The following RIN2 variants were observed in gnomAD, a reference collection of about 807,000 sequenced individuals.
The protein encoded by RIN2 is Ras and Rab interactor 2, also known as RAB5 interacting protein 2.
RIN2 carries 36 observed loss-of-function variants against 78.0 expected under a neutral mutation model. That is an observed-to-expected ratio of 0.46 (90% CI 0.35 to 0.61). The LOEUF is 0.61. RIN2 is among the 20% of genes least tolerant of loss of function. The probability of loss-of-function intolerance (pLI) is 0.00; values close to 1 mark genes in which losing one functional copy is unlikely to be tolerated. For synonymous variants in RIN2, 466 were observed against 466.8 expected (o/e 1.00, Z 0.02); for missense variants, 1,087 against 1,159.7 (o/e 0.94, Z 0.91).
intron 3 of RIN2, among the ~76,000 whole-genome samples, chr20:19,903,832 A>C (rs569269489): frequency 6.6e-6 from 1 of 152,332 alleles, no homozygotes; most frequent in East Asian, 1.9e-4. Flanking sequence ...AAGCAAGAAG[A>C]CTGTGATCAT....
chr20:19,836,075 A>G (rs921551804), intron 2 of RIN2, among the ~76,000 whole-genome samples: 4 of 152,168 alleles, frequency 2.6e-5, no homozygotes, highest in East Asian at 1.9e-4. Flanking sequence ...GGGAGAGTTG[A>G]GCTCTGCACC....
At chr20:19,910,909 T>C (rs1211181987) in intron 3 of RIN2, among the ~76,000 whole-genome samples, 2 of 152,056 alleles carry the variant, frequency 1.3e-5, no homozygotes, top group Non-Finnish European at 2.9e-5. Context: ...ACTTCCAGAA[T>C]AGTTGCAAGA....
intron 9 of RIN2, among the ~76,000 whole-genome samples, chr20:19,981,030 C>T (rs556053856): frequency 5.0e-4 from 76 of 152,204 alleles, no homozygotes; most frequent in African/African-American, 1.3e-3. Flanking sequence ...AATCACTCCT[C>T]GTGGGCGGCC....
intron 2 of RIN2, among the ~76,000 whole-genome samples, chr20:19,832,810 C>T (rs2036289004): frequency 6.6e-6 from 1 of 152,088 alleles, no homozygotes; most frequent in Non-Finnish European, 1.5e-5. Context: ...ACAGAAAGGG[C>T]CAACTCACCT....
At chr20:19,946,340 C>A (rs1258285910) in intron 4 of RIN2, among the ~76,000 whole-genome samples, 1 of 152,028 alleles carries the variant, frequency 6.6e-6, no homozygotes, top group Non-Finnish European at 1.5e-5. Context: ...TAGGTAGGAG[C>A]CAGATATGGC....
chr20:19,918,745 T>TC (rs1204491789), intron 3 of RIN2, among the ~76,000 whole-genome samples: 2 of 151,808 alleles, frequency 1.3e-5, no homozygotes, highest in Non-Finnish European at 2.9e-5. Flanking sequence ...GCATCTGACT[T>TC]TACGGAGTCT....
chr20:19,810,885 T>G (rs1210615965), intron 2 of RIN2, among the ~76,000 whole-genome samples: 2 of 149,732 alleles, frequency 1.3e-5, no homozygotes, highest in African/African-American at 4.9e-5. Flanking sequence ...TGTGTTTTTT[T>G]TTTTTTTAGT....
intron 2 of RIN2, among the ~76,000 whole-genome samples, chr20:19,878,660 C>A (rs1298692982): frequency 1.3e-5 from 2 of 151,994 alleles, no homozygotes; most frequent in Non-Finnish European, 2.9e-5. Flanking sequence ...TGCCTCAGTC[C>A]CTGAAAATGC....
chr20:19,909,668 T>C (rs4052728), intron 3 of RIN2, among the ~76,000 whole-genome samples: 59,251 of 152,116 alleles, frequency 0.39, 12,332 homozygotes, highest in Non-Finnish European at 0.46. Context: ...TATCTCATCT[T>C]TTACAGATGA....
At chr20:19,930,633 C>T (rs1451297053) in intron 3 of RIN2, among the ~76,000 whole-genome samples, 1 of 152,134 alleles carries the variant, frequency 6.6e-6, no homozygotes, top group African/African-American at 2.4e-5. Context: ...TGTGGCCGGC[C>T]CTCCCTCACA....
At chr20:19,859,444 A>G (rs1347782743) in intron 2 of RIN2, among the ~76,000 whole-genome samples, 4 of 152,262 alleles carry the variant, frequency 2.6e-5, no homozygotes, top group South Asian at 2.1e-4. Flanking sequence ...TAAAATGCCA[A>G]TTTCCCCATT....
intron 2 of RIN2, among the ~76,000 whole-genome samples, chr20:19,801,161 G>C (rs1413002454): frequency 6.6e-6 from 1 of 152,190 alleles, no homozygotes. Flanking sequence ...TCTGACTTAA[G>C]TGTAGAGTTC....
chr20:19,770,170 C>T (rs1233751414), intron 1 of RIN2, among the ~76,000 whole-genome samples: 1 of 152,170 alleles, frequency 6.6e-6, no homozygotes, highest in Non-Finnish European at 1.5e-5. Flanking sequence ...AGAACTAAGA[C>T]TTCATATTTC....
At chr20:19,881,351 TCACTAACTAAAGGGAAGGGTAAA>T (rs1180239914) in intron 2 of RIN2, among the ~76,000 whole-genome samples, 1 of 152,042 alleles carries the variant, frequency 6.6e-6, no homozygotes, top group Non-Finnish European at 1.5e-5. Flanking sequence ...TCCCTGCGCA[TCACTAACTAAAGGGAAGGGTAAA>T]CACCCTGATG....
At chr20:19,861,252 T>C (rs1188594473) in intron 2 of RIN2, among the ~76,000 whole-genome samples, 2 of 152,202 alleles carry the variant, frequency 1.3e-5, no homozygotes, top group African/African-American at 2.4e-5. Context: ...CACCTCCTTA[T>C]AGGTTTCCAT....
At chr20:19,934,503 C>T (rs1032659587) in intron 3 of RIN2, 1 of 985,370 alleles carries the variant, frequency 1.0e-6, no homozygotes, top group African/African-American at 1.7e-5. Context: ...CCCCTCCTCC[C>T]CACTCATCCA....
chr20:19,990,138 G>A lies in RIN2; in HGVS notation c.1895G>A (p.Arg632Gln), dbSNP rs761472829. 3.1e-5 allele frequency: 49 copies of A among 1,602,274 alleles called. No homozygotes were observed. Among genetic ancestry groups the A allele is most frequent in the South Asian group, 2.4e-4 (21 of 88,912 alleles). ...KQLKENLQLV[R>Q]QRNPQELGVF... Reference sequence around the variant, plus strand: ...CTCAAGGAGAACCTGCAGCTTGTGCGGCAGAGGAATCCGCAGGAGCTGGGG... The same window carrying A: ...CTCAAGGAGAACCTGCAGCTTGTGCAGCAGAGGAATCCGCAGGAGCTGGGG... The change falls in exon 10 of 13, where the codon CGG becomes CAG. Residue 632 changes from arginine (R) to glutamine (Q), a missense_variant. This residue lies in a region of RIN2 where 97 missense variants were observed against 104.8 expected (regional missense o/e 0.93). Coordinates refer to ENST00000255006, the MANE Select transcript of RIN2 (RefSeq NM_018993.4).
chr20:19,823,556 T>C, intron 2 of RIN2: 40 of 1,382,422 alleles, frequency 2.9e-5, no homozygotes, highest in Non-Finnish European at 3.8e-5. Context: ...AGGATCTCTT[T>C]AGTGGTTCCA....
At chr20:19,880,484 C>T (rs2037994233) in intron 2 of RIN2, among the ~76,000 whole-genome samples, 1 of 137,294 alleles carries the variant, frequency 7.3e-6, no homozygotes, top group South Asian at 2.3e-4. Flanking sequence ...CAGCCTTGAC[C>T]TTCCAGGCTC....
Sources: allele counts gnomAD v4.1 joint callset (sites outside exome capture counted in the v4.1 genomes callset), GRCh38; gene constraint gnomAD v4.1.1; regional missense constraint gnomAD v4.1.1; transcripts MANE v1.5; gene names NCBI Gene and HGNC (gene_info 2026-07-23, HGNC 2026-07-21).